The following STAG1 variants were observed in gnomAD, a reference collection of about 807,000 sequenced individuals.
The protein encoded by STAG1 is cohesin subunit SA-1.
Under a neutral mutation model 170.9 loss-of-function variants are expected in STAG1, and 26 were observed. The ratio of observed to expected loss-of-function variants is 0.15; its 90% confidence interval spans 0.11 to 0.21. STAG1 has a LOEUF of 0.21. Among genes scored for constraint, STAG1 ranks in the 10% least tolerant of loss-of-function variants. The probability of loss-of-function intolerance (pLI) is 1.00; values close to 1 mark genes in which losing one functional copy is unlikely to be tolerated. For missense variants in STAG1, 964 were observed against 1,509.5 expected (o/e 0.64, Z 5.99); for synonymous variants, 514 against 497.7 (o/e 1.03, Z -0.44).
chr3:136,631,852 G>A (rs777683329), intron 1 of STAG1, among the ~76,000 whole-genome samples: 2 of 152,032 alleles, frequency 1.3e-5, no homozygotes, highest in African/African-American at 2.4e-5. Flanking sequence ...AAAGTACAAG[G>A]CAGAATAAAT....
At chr3:136,709,170 G>A (rs891283134) in intron 1 of STAG1, among the ~76,000 whole-genome samples, 1 of 151,718 alleles carries the variant, frequency 6.6e-6, no homozygotes, top group African/African-American at 2.4e-5. Context: ...CATGCCTGTA[G>A]TCCCAGCTAC....
chr3:136,694,642 C>CAGTCTGGT (rs1453595514), intron 1 of STAG1, among the ~76,000 whole-genome samples: 2 of 151,050 alleles, frequency 1.3e-5, no homozygotes, highest in East Asian at 3.9e-4. Context: ...TTGGAGAAGA[C>CAGTCTGGT]AGTCTGGTAA....
intron 21 of STAG1, chr3:136,417,666 T>A (rs908697849): frequency 1.2e-5 from 5 of 431,416 alleles, no homozygotes; most frequent in African/African-American, 2.0e-5. Context: ...GTAAAATTTT[T>A]AAGATATGTT....
At chr3:136,636,031 T>C (rs562899197) in intron 1 of STAG1, among the ~76,000 whole-genome samples, 1 of 152,252 alleles carries the variant, frequency 6.6e-6, no homozygotes, top group Non-Finnish European at 1.5e-5. Context: ...GTGGATCACC[T>C]GAGGTCAGGA....
chr3:136,418,073 G>C, intron 20 of STAG1, 101 bp from the exon 21 acceptor site: 1 of 936,006 alleles, frequency 1.1e-6, no homozygotes, highest in East Asian at 2.6e-5. Context: ...TTTCATTTCG[G>C]CTGGGCACAC....
intron 3 of STAG1, among the ~76,000 whole-genome samples, 180 bp downstream of exon 3, chr3:136,622,966 A>C (rs897485633): frequency 1.3e-5 from 2 of 152,196 alleles, no homozygotes; most frequent in Non-Finnish European, 2.9e-5. Context: ...ATCATACTAC[A>C]ATCATCTCCT....
At chr3:136,660,842 G>T (rs1941554083) in intron 1 of STAG1, among the ~76,000 whole-genome samples, 1 of 151,936 alleles carries the variant, frequency 6.6e-6, no homozygotes, top group South Asian at 2.1e-4. Context: ...AGTGGTACAC[G>T]CCTGTAGTCC....
chr3:136,693,766 CATT>C (rs1348014305), intron 1 of STAG1, among the ~76,000 whole-genome samples: 3 of 151,656 alleles, frequency 2.0e-5, no homozygotes, highest in Non-Finnish European at 2.9e-5. Flanking sequence ...GACGGGGTCT[CATT>C]ATGTTGCCAG....
chr3:136,592,836 G>A (rs1938251677), intron 4 of STAG1, among the ~76,000 whole-genome samples: 1 of 152,202 alleles, frequency 6.6e-6, no homozygotes, highest in African/African-American at 2.4e-5. Context: ...AAAATAGGCA[G>A]GGCAAAGTCC....
chr3:136,681,075 G>C (rs1942317678), intron 1 of STAG1, among the ~76,000 whole-genome samples: 1 of 151,934 alleles, frequency 6.6e-6, no homozygotes, highest in South Asian at 2.1e-4. Context: ...GTATTGTTTA[G>C]GAAATAAGAA....
chr3:136,629,684 G>T (rs1251464101), intron 2 of STAG1, among the ~76,000 whole-genome samples: 1 of 152,068 alleles, frequency 6.6e-6, no homozygotes, highest in Non-Finnish European at 1.5e-5. Context: ...AGAAGGCCAA[G>T]AGATCAATCA....
intron 21 of STAG1, among the ~76,000 whole-genome samples, chr3:136,411,211 C>T (rs1237290957): frequency 2.0e-5 from 3 of 151,840 alleles, no homozygotes; most frequent in Non-Finnish European, 4.4e-5. Flanking sequence ...TGTAAATGAT[C>T]GATTGGTTTT....
At chr3:136,425,349 A>C (rs2088086029) in intron 16 of STAG1, among the ~76,000 whole-genome samples, 1 of 152,122 alleles carries the variant, frequency 6.6e-6, no homozygotes, top group African/African-American at 2.4e-5. Flanking sequence ...TTGGTAAAAG[A>C]TTGGGGGGTG....
intron 16 of STAG1, among the ~76,000 whole-genome samples, chr3:136,428,765 CAA>C (rs1204880253): frequency 2.6e-5 from 4 of 152,148 alleles, no homozygotes; most frequent in African/African-American, 9.7e-5. Context: ...AGAAAATCAT[CAA>C]AGAGATTGTG....
intron 1 of STAG1, among the ~76,000 whole-genome samples, chr3:136,701,496 G>A (rs1943060054): frequency 6.6e-6 from 1 of 152,010 alleles, no homozygotes; most frequent in Non-Finnish European, 1.5e-5. Context: ...AGAAGTTATT[G>A]TATCCTATAA....
At chr3:136,714,849 C>T (rs1427750601) in intron 1 of STAG1, among the ~76,000 whole-genome samples, 75 of 142,850 alleles carry the variant, frequency 5.3e-4, no homozygotes, top group African/African-American at 1.9e-3. Context: ...GTCAAGGCTG[C>T]AGTGAGTCAT....
intron 1 of STAG1, among the ~76,000 whole-genome samples, chr3:136,713,569 C>T (rs923818457): frequency 6.1e-5 from 9 of 147,962 alleles, no homozygotes; most frequent in African/African-American, 2.3e-4. Flanking sequence ...GGAAACAGAG[C>T]GAAACTCCAC....
intron 19 of STAG1, 70 bp downstream of exon 19, chr3:136,422,340 T>C: frequency 7.1e-7 from 1 of 1,402,970 alleles, no homozygotes; most frequent in Non-Finnish European, 9.9e-7. Context: ...GAAAATGATT[T>C]ACACACTCAG....
intron 12 of STAG1, among the ~76,000 whole-genome samples, chr3:136,468,742 A>C (rs1163363236): frequency 1.3e-5 from 2 of 152,230 alleles, no homozygotes; most frequent in Non-Finnish European, 2.9e-5. Context: ...CCTCAATAAA[A>C]TACTGGCAAA....
Sources: gnomAD v4.1 joint callset for allele counts (sites outside exome capture counted in the v4.1 genomes callset) on GRCh38, gnomAD v4.1.1 for gene constraint, MANE v1.5 for transcripts, NCBI Gene and HGNC (gene_info 2026-07-23, HGNC 2026-07-21) for gene names.